The following DACH2 variants were observed in gnomAD, a reference collection of about 807,000 sequenced individuals.
DACH2 encodes the protein dachshund homolog 2.
DACH2 carries 17 observed loss-of-function variants against 35.8 expected under a neutral mutation model. That is an observed-to-expected ratio of 0.48 (90% CI 0.33 to 0.71). The LOEUF is 0.71. DACH2 is among the 30% of genes least tolerant of loss of function. The probability of loss-of-function intolerance (pLI) is 0.02; values close to 1 mark genes in which losing one functional copy is unlikely to be tolerated. For missense variants in DACH2, 469 were observed against 472.7 expected, an observed-to-expected ratio of 0.99 and a Z score of 0.07; for synonymous variants, 195 against 177.3, an observed-to-expected ratio of 1.10 and a Z score of -0.79.
At chrX:86,489,951 G>A (rs775495270) in intron 2 of DACH2, among the ~76,000 whole-genome samples, 4 of 111,796 alleles carry the variant, frequency 3.6e-5, no homozygotes, top group Non-Finnish European at 5.7e-5. Context: ...CTAGAAAATA[G>A]CGTCTTTGGA....
intron 1 of DACH2, among the ~76,000 whole-genome samples, chrX:86,341,271 T>G (rs1271342595): frequency 9.0e-6 from 1 of 111,610 alleles, no homozygotes; most frequent in Non-Finnish European, 1.9e-5. Context: ...TTGGTGACTT[T>G]AGTTGAAACC....
intron 4 of DACH2, among the ~76,000 whole-genome samples, chrX:86,668,553 C>T (rs1038704351): frequency 4.5e-5 from 5 of 111,629 alleles, no homozygotes; most frequent in African/African-American, 1.6e-4. Flanking sequence ...CTCTGAAATC[C>T]TGTTTGTAAT....
Position 86,462,444 on chromosome X carries a change from C to T in DACH2, c.528-51835C>T, listed in dbSNP as rs554467474. Reference sequence around the variant, plus strand: ...AAATCTGTAGGTACTAGTAAAGTTTCCCTATTGAAATGAGGAAAATTTTAC... The same window carrying T: ...AAATCTGTAGGTACTAGTAAAGTTTTCCTATTGAAATGAGGAAAATTTTAC... On this transcript the variant is annotated intron_variant, in intron 2 of 11. Coordinates refer to ENST00000373125, the MANE Select transcript of DACH2 (RefSeq NM_053281.3). 2.7e-4 allele frequency among the ~76,000 whole-genome samples: 30 copies of T among 111,109 alleles called. 1 individual carries two copies. The South Asian group carries it at 8.5e-3, about 32-fold the overall frequency.
intron 1 of DACH2, among the ~76,000 whole-genome samples, chrX:86,301,139 A>T (rs2034567579): frequency 8.9e-6 from 1 of 112,015 alleles, no homozygotes; most frequent in African/African-American, 3.2e-5. Context: ...TAAAGCATAT[A>T]CAAAAATCCA....
intron 2 of DACH2, among the ~76,000 whole-genome samples, chrX:86,383,034 C>A (rs2036070217): frequency 9.0e-6 from 1 of 110,628 alleles, no homozygotes; most frequent in African/African-American, 3.3e-5. Context: ...TTCAGAGAAT[C>A]AAAATCTCTG....
chrX:86,163,030 A>C (rs2030818379), intron 1 of DACH2, among the ~76,000 whole-genome samples: 1 of 111,184 alleles, frequency 9.0e-6, no homozygotes, highest in African/African-American at 3.3e-5. Flanking sequence ...TCAAGCATTT[A>C]TTCTTTGAGT....
chrX:86,535,892 C>T (rs1000967998), intron 3 of DACH2, among the ~76,000 whole-genome samples: 2 of 111,181 alleles, frequency 1.8e-5, no homozygotes, highest in African/African-American at 3.3e-5. Context: ...TAACATGTCT[C>T]AGATCTTGAG....
At chrX:86,591,181 C>T (rs968393403) in intron 3 of DACH2, among the ~76,000 whole-genome samples, 5 of 111,722 alleles carry the variant, frequency 4.5e-5, no homozygotes, top group African/African-American at 1.3e-4. Context: ...CATAGTATAC[C>T]ATGGTGTATA....
chrX:86,717,696 T>A lies in DACH2; in HGVS notation c.1104+2976T>A, dbSNP rs187106983. ...AACACAAACAAATGATGAAATTATA[T>A]TAAAAAGCAAACCTGGGAGCAGTGG... is the stretch of plus-strand genomic sequence containing the variant. On this transcript the variant is annotated intron_variant, in intron 6 of 11. Coordinates refer to ENST00000373125, the MANE Select transcript of DACH2 (RefSeq NM_053281.3). Among the ~76,000 whole-genome samples the A allele has an allele frequency of 5.8e-3, 611 of 105,678 alleles. 4 individuals carry two copies. The highest frequency in any genetic ancestry group is 9.5e-3 in the Admixed American group (91 of 9,531). 91.8% of individuals were successfully genotyped at this position (105,678 alleles called of 115,157 possible).
chrX:86,436,043 C>T (rs1021082622), intron 2 of DACH2, among the ~76,000 whole-genome samples: 1 of 110,941 alleles, frequency 9.0e-6, no homozygotes, highest in Non-Finnish European at 1.9e-5. Context: ...TATTTTAGTA[C>T]AAATATCTTC....
chrX:86,310,191 C>A (rs2034769016), intron 1 of DACH2, among the ~76,000 whole-genome samples: 1 of 112,287 alleles, frequency 8.9e-6, no homozygotes, highest in Non-Finnish European at 1.9e-5. Context: ...TACTGCCTAT[C>A]ATGAACTGGG....
chrX:86,214,431 T>A (rs1038372519), intron 1 of DACH2, among the ~76,000 whole-genome samples: 3 of 112,184 alleles, frequency 2.7e-5, no homozygotes, highest in Non-Finnish European at 5.6e-5. Context: ...ATATTTTCAG[T>A]TTGATGTGAT....
intron 1 of DACH2, among the ~76,000 whole-genome samples, chrX:86,299,319 A>T (rs746912524): frequency 1.6e-4 from 18 of 111,529 alleles, no homozygotes; most frequent in Non-Finnish European, 2.8e-4. Flanking sequence ...TTACACTGTG[A>T]TGCAGTTCTC....
At chrX:86,477,451 A>C (rs1384723900) in intron 2 of DACH2, among the ~76,000 whole-genome samples, 1 of 105,216 alleles carries the variant, frequency 9.5e-6, no homozygotes, top group African/African-American at 3.4e-5. Context: ...TTTTGTCTTG[A>C]AATCGATTTA....
intron 3 of DACH2, among the ~76,000 whole-genome samples, chrX:86,529,476 ATT>A (rs201967458): frequency 3.2e-3 from 291 of 92,195 alleles, no homozygotes; most frequent in African/African-American, 9.0e-3. Flanking sequence ...TGTGATCAAC[ATT>A]TTTTTTTTTT....
At chrX:86,529,616 G>A (rs985957916) in intron 3 of DACH2, among the ~76,000 whole-genome samples, 12 of 109,338 alleles carry the variant, frequency 1.1e-4, no homozygotes, top group Admixed American at 8.8e-4. Flanking sequence ...GGGACTACAG[G>A]CACCCGCCTC....
chrX:86,385,357 T>A (rs754149607), intron 2 of DACH2, among the ~76,000 whole-genome samples: 3 of 111,642 alleles, frequency 2.7e-5, no homozygotes, highest in Admixed American at 9.5e-5. Context: ...ACATCCCATT[T>A]AAAAATGGTG....
intron 1 of DACH2, among the ~76,000 whole-genome samples, chrX:86,328,272 A>G (rs1301243742): frequency 1.8e-5 from 2 of 111,674 alleles, no homozygotes; most frequent in Non-Finnish European, 3.8e-5. Context: ...AACTTTTGGG[A>G]GAGAAGCATA....
At chrX:86,620,572 C>A (rs2040057570) in intron 3 of DACH2, among the ~76,000 whole-genome samples, 1 of 111,070 alleles carries the variant, frequency 9.0e-6, no homozygotes, top group Non-Finnish European at 1.9e-5. Context: ...ATTGTAAATC[C>A]TCTGAGTCTC....
Sources: gnomAD v4.1 joint callset for allele counts (sites outside exome capture counted in the v4.1 genomes callset) on GRCh38, gnomAD v4.1.1 for gene constraint, MANE v1.5 for transcripts, NCBI Gene and HGNC (gene_info 2026-07-23, HGNC 2026-07-21) for gene names.